NRXN1: variants seen among roughly 807,000 people sequenced by gnomAD.
NRXN1 encodes the protein neurexin-1.
NRXN1 carries 39 observed loss-of-function variants against 150.9 expected under a neutral mutation model. The ratio of observed to expected loss-of-function variants is 0.26; its 90% confidence interval spans 0.20 to 0.34. NRXN1 has a LOEUF of 0.34. Ranked by LOEUF, NRXN1 falls within the 10% of genes least tolerant of loss-of-function variation. The pLI is 1.00. For missense variants in NRXN1, 1,815 were observed against 1,949.9 expected (o/e 0.93, Z 1.30); for synonymous variants, 924 against 757.0 (o/e 1.22, Z -3.62).
At chr2:50,244,422 T>C (rs2066316162) in intron 17 of NRXN1, among the ~76,000 whole-genome samples, 1 of 151,854 alleles carries the variant, frequency 6.6e-6, no homozygotes, top group Non-Finnish European at 1.5e-5. Flanking sequence ...CTCTACATAA[T>C]CAATGATCAA....
At chr2:50,508,001 A>G (rs2092311105) in intron 12 of NRXN1, among the ~76,000 whole-genome samples, 1 of 152,122 alleles carries the variant, frequency 6.6e-6, no homozygotes, top group African/African-American at 2.4e-5. Context: ...AAGAAAAAAA[A>G]AGAGGAGAGC....
intron 2 of NRXN1, chr2:51,026,268 A>C: frequency 1.4e-6 from 1 of 730,164 alleles, no homozygotes; most frequent in Admixed American, 2.3e-5. Flanking sequence ...AATGCCATTT[A>C]TCCATGTGTT....
In NRXN1 at chr2:50,384,807, T is replaced by G. The variant is rs537280321; in HGVS notation, c.3364+80635A>C. ...AACCCTGTCTTGCATCTCTTGTATTTTTCTCCACCTACACATGGGCCTGTT... is the reference window on the plus strand; with the variant it reads ...AACCCTGTCTTGCATCTCTTGTATTGTTCTCCACCTACACATGGGCCTGTT... On this transcript the variant is annotated intron_variant, in intron 17 of 22. Coordinates refer to ENST00000401669, the MANE Select transcript of NRXN1 (RefSeq NM_001330078.2). 5.3e-5 allele frequency among the ~76,000 whole-genome samples: 8 copies of G among 152,294 alleles called. No homozygotes were observed. The East Asian group carries it at 1.5e-3, about 29-fold the overall frequency.
chr2:50,561,112 C>A (rs1381038870), intron 8 of NRXN1, among the ~76,000 whole-genome samples: 1 of 152,188 alleles, frequency 6.6e-6, no homozygotes, highest in Non-Finnish European at 1.5e-5. Context: ...GAAAACCCCT[C>A]CTGCTTTGTC....
chr2:50,333,669 T>A (rs999322659), intron 17 of NRXN1, among the ~76,000 whole-genome samples: 1 of 151,806 alleles, frequency 6.6e-6, no homozygotes, highest in South Asian at 2.1e-4. Context: ...GCATGTTAAG[T>A]GTGAAAGACA....
chr2:50,724,661 T>A (rs1697103705), intron 5 of NRXN1, among the ~76,000 whole-genome samples: 3 of 151,904 alleles, frequency 2.0e-5, no homozygotes, highest in African/African-American at 7.3e-5. Context: ...ATATATAATA[T>A]ACAAAAAAGA....
chr2:50,055,031 G>T lies in NRXN1; in HGVS notation c.3732C>A (p.Asn1244Lys). ...GCTGTCTAGCAATCGCCAGGCGCTC[G>T]TTATCATTGTTTCCTTTAAAGTTTA... ...IERYPAGNND[N>K]ERLAIARQRI... The change falls in exon 20 of 23, where the codon AAC becomes AAA. Residue 1244 changes from asparagine (N) to lysine (K), a missense_variant. Physicochemically the swap from Asn to Lys is moderately conservative, Grantham distance 94. Around this residue, in one of 6 missense-constraint regions of NRXN1, gnomAD observed 339 missense variants for 440.3 expected, o/e 0.77. Coordinates refer to ENST00000401669, the MANE Select transcript of NRXN1 (RefSeq NM_001330078.2). The T allele has an allele frequency of 6.3e-7, 1 of 1,596,812 alleles. No homozygotes were observed. Among genetic ancestry groups the T allele is most frequent in the Non-Finnish European group, 8.5e-7 (1 of 1,172,762 alleles).
chr2:49,956,445 C>A (rs17039549), intron 21 of NRXN1, among the ~76,000 whole-genome samples: 2,718 of 152,266 alleles, frequency 0.018, 85 homozygotes, highest in African/African-American at 0.062. Flanking sequence ...TGTGCTCCTT[C>A]ATTTTTACAA....
In NRXN1 at chr2:50,683,646, A is replaced by AAAAAAAAAAAAAAAATATATATATAT; in HGVS notation, c.833-60032_833-60031insATATATATATATTTTTTTTTTTTTTT. ...GACTCCGTCTCAAAAAAAAAAAAAA[A>AAAAAAAAAAAAAAAATATATATATAT]ATATATATATATATATATATGTTAT... On this transcript the variant is annotated intron_variant, in intron 5 of 22. Coordinates refer to ENST00000401669, the MANE Select transcript of NRXN1 (RefSeq NM_001330078.2). Among the ~76,000 whole-genome samples, 62 of 14,852 alleles carry AAAAAAAAAAAAAAAATATATATATAT rather than the reference A, an allele frequency of 4.2e-3. 1 individual carries two copies. Among genetic ancestry groups the AAAAAAAAAAAAAAAATATATATATAT allele is most frequent in the Admixed American group, 5.4e-3 (5 of 932 alleles). 9.7% of individuals were successfully genotyped at this position (14,852 alleles called of 152,430 possible). A position where few individuals can be genotyped will look rare whatever the true frequency, so the allele number is the denominator to read the frequency against.
chr2:50,270,231 T>C (rs1446547909), intron 17 of NRXN1, among the ~76,000 whole-genome samples: 1 of 152,190 alleles, frequency 6.6e-6, no homozygotes, highest in African/African-American at 2.4e-5. Context: ...ATGAGCCTCT[T>C]ATTTTGTATT....
intron 22 of NRXN1, chr2:49,926,484 T>C (rs1669128133): frequency 5.0e-6 from 2 of 396,904 alleles, no homozygotes; most frequent in Admixed American, 4.4e-5. Flanking sequence ...ATCAAATGTT[T>C]GGACAGTTAG....
intron 21 of NRXN1, among the ~76,000 whole-genome samples, chr2:50,014,402 G>A (rs1182326339): frequency 6.6e-6 from 1 of 152,050 alleles, no homozygotes; most frequent in Admixed American, 6.6e-5. Context: ...TGATGCAATT[G>A]ACATTTAGGA....
intron 8 of NRXN1, among the ~76,000 whole-genome samples, chr2:50,573,120 A>C (rs1670895009): frequency 6.6e-6 from 1 of 152,124 alleles, no homozygotes; most frequent in African/African-American, 2.4e-5. Flanking sequence ...CTGTAATCCT[A>C]GTACTTTGGG....
intron 5 of NRXN1, among the ~76,000 whole-genome samples, chr2:50,755,697 C>A (rs1252257261): frequency 2.6e-5 from 4 of 151,848 alleles, no homozygotes; most frequent in African/African-American, 9.7e-5. Context: ...AAATCCCAAT[C>A]AGACATACTC....
At chr2:49,973,871 A>G (rs938655287) in intron 21 of NRXN1, 1 of 618,918 alleles carries the variant, frequency 1.6e-6, no homozygotes, top group Non-Finnish European at 2.9e-6. Flanking sequence ...GTTTATTCTT[A>G]TTTTCATTAT....
chr2:50,688,977 G>T (rs889031006), intron 5 of NRXN1, among the ~76,000 whole-genome samples: 24 of 152,022 alleles, frequency 1.6e-4, no homozygotes, highest in African/African-American at 5.6e-4. Context: ...TTCCAATCTG[G>T]AGACTTATAA....
At chr2:50,413,818 G>A (rs1051247059) in intron 17 of NRXN1, among the ~76,000 whole-genome samples, 1 of 152,068 alleles carries the variant, frequency 6.6e-6, no homozygotes, top group Non-Finnish European at 1.5e-5. Flanking sequence ...AAGGAAATGT[G>A]TTACATATAC....
intron 21 of NRXN1, among the ~76,000 whole-genome samples, chr2:49,974,569 G>A (rs567979080): frequency 6.6e-6 from 1 of 152,196 alleles, no homozygotes; most frequent in East Asian, 1.9e-4. Flanking sequence ...TAAATTAGAA[G>A]ACTTAAAACT....
intron 5 of NRXN1, among the ~76,000 whole-genome samples, chr2:50,831,040 T>A (rs1671340762): frequency 6.6e-6 from 1 of 152,198 alleles, no homozygotes; most frequent in Non-Finnish European, 1.5e-5. Context: ...AATAAGCACA[T>A]CATGGAAAAT....
Sources: allele counts gnomAD v4.1 joint callset (sites outside exome capture counted in the v4.1 genomes callset), GRCh38; gene constraint gnomAD v4.1.1; regional missense constraint gnomAD v4.1.1; transcripts MANE v1.5; gene names NCBI Gene and HGNC (gene_info 2026-07-23, HGNC 2026-07-21).